Variants in BMP5 observed in about 807,000 individuals in gnomAD.
The protein encoded by BMP5 is bone morphogenetic protein 5.
Under a neutral mutation model 46.6 loss-of-function variants are expected in BMP5, and 23 were observed. The observed-to-expected ratio is 0.49, with a 90% CI of 0.35 to 0.70. The LOEUF is 0.70. Among genes scored for constraint, BMP5 ranks in the 30% least tolerant of loss-of-function variants. The probability of loss-of-function intolerance (pLI) is 0.00; values close to 1 mark genes in which losing one functional copy is unlikely to be tolerated. For synonymous variants in BMP5, 204 were observed against 191.9 expected (o/e 1.06, Z -0.52); for missense variants, 545 against 565.6 (o/e 0.96, Z 0.37).
rs376923719 is a variant in BMP5 at position 55,755,552 on chromosome 6, C to T, written c.1346G>A (p.Arg449His). ...ILKKYRNMVVRSCGCH is the reference protein window; with the variant it reads ...ILKKYRNMVVHSCGCH ...TTAATATTAGTGGCAGCCACATGAG[C>T]GTACTACCATATTTCTATATTTTTT... The change falls in exon 7 of 7, where the codon CGC becomes CAC. Residue 449 changes from arginine (R) to histidine (H), a missense_variant. Arg to His is a conservative substitution (Grantham distance 29). Coordinates refer to ENST00000370830, the MANE Select transcript of BMP5 (RefSeq NM_021073.4). 120 of 1,610,134 alleles carry T rather than the reference C, an allele frequency of 7.5e-5. No homozygotes were observed. Among genetic ancestry groups the T allele is most frequent in the Middle Eastern group, 5.0e-4 (3 of 6,044 alleles).
chr6:55,774,653 GGC>G (rs1775127886), intron 3 of BMP5, among the ~76,000 whole-genome samples: 1 of 151,924 alleles, frequency 6.6e-6, no homozygotes, highest in African/African-American at 2.4e-5. Flanking sequence ...CCGAATACTT[GGC>G]AGGGTGTTTC....
At chr6:55,848,198 A>G (rs1291117459) in intron 1 of BMP5, among the ~76,000 whole-genome samples, 1 of 151,924 alleles carries the variant, frequency 6.6e-6, no homozygotes. Flanking sequence ...GTTTCCTGGA[A>G]GACCACCCTA....
chr6:55,774,835 G>A (rs191590596), intron 3 of BMP5, among the ~76,000 whole-genome samples: 16 of 151,918 alleles, frequency 1.1e-4, no homozygotes, highest in Admixed American at 3.3e-4. Context: ...GCTTTAAGCC[G>A]CAGTTATTAA....
intron 2 of BMP5, among the ~76,000 whole-genome samples, chr6:55,805,197 G>T (rs774119220): frequency 6.6e-6 from 1 of 152,040 alleles, no homozygotes; most frequent in Admixed American, 6.6e-5. Context: ...TTGGTATCAG[G>T]TGCCAATAAG....
At chr6:55,866,987 T>C (rs942755382) in intron 1 of BMP5, among the ~76,000 whole-genome samples, 5 of 152,174 alleles carry the variant, frequency 3.3e-5, no homozygotes, top group Admixed American at 3.3e-4. Context: ...TCTAGAACAC[T>C]TGCTGACTAA....
chr6:55,812,187 A>G (rs901275445), intron 2 of BMP5, among the ~76,000 whole-genome samples: 1 of 152,252 alleles, frequency 6.6e-6, no homozygotes, highest in Non-Finnish European at 1.5e-5. Flanking sequence ...AAGATTAAAT[A>G]AGTGAAATGA....
rs753483847 is a variant in BMP5, at chr6:55,874,658, G to T, written c.208C>A (p.Pro70Thr). 6.2e-7 allele frequency: 1 copy of T among 1,613,454 alleles called. No homozygotes were observed. Among genetic ancestry groups the T allele is most frequent in the Non-Finnish European group, 8.5e-7 (1 of 1,179,724 alleles). ...GLPHRPRPFS[P>T]GKQASSAPLF... ...GGTGCAGAGGACGCTTGTTTTCCAG[G>T]TGAAAATGGTCTGGGTCTGTGAGGC... The change falls in exon 1 of 7, where the codon CCT (proline) becomes ACT (threonine). Residue 70 changes from proline (P) to threonine (T), a missense_variant. Physicochemically the swap from Pro to Thr is conservative, Grantham distance 38. Coordinates refer to ENST00000370830, the MANE Select transcript of BMP5 (RefSeq NM_021073.4).
Position 55,795,618 on chromosome 6 carries a change from T to C in BMP5, c.684-1191A>G, listed in dbSNP as rs993817839. Among the ~76,000 whole-genome samples, 93 of 152,230 alleles carry C rather than the reference T, an allele frequency of 6.1e-4. 1 individual carries two copies. Among genetic ancestry groups the C allele is most frequent in the Middle Eastern group, 3.4e-3 (1 of 290 alleles). On this transcript the variant is annotated intron_variant, in intron 2 of 6. Coordinates refer to ENST00000370830, the MANE Select transcript of BMP5 (RefSeq NM_021073.4). ...TACTCAAATTTAAAAGTGAACCATTTTAACAAAAACAAAGTTAAAAAATGT... is the reference window on the plus strand; with the variant it reads ...TACTCAAATTTAAAAGTGAACCATTCTAACAAAAACAAAGTTAAAAAATGT...
chr6:55,789,180 G>A (rs9396157), intron 3 of BMP5, among the ~76,000 whole-genome samples: 2 of 151,722 alleles, frequency 1.3e-5, no homozygotes, highest in East Asian at 3.9e-4. Flanking sequence ...AGAAACATAC[G>A]GATTGAATTT....
intron 3 of BMP5, among the ~76,000 whole-genome samples, chr6:55,793,314 A>C (rs1278476555): frequency 2.6e-5 from 4 of 152,104 alleles, no homozygotes; most frequent in Non-Finnish European, 5.9e-5. Context: ...CGTGTTTCAG[A>C]TTATAGCTCA....
chr6:55,830,917 A>C (rs1776648738), intron 1 of BMP5, among the ~76,000 whole-genome samples: 1 of 152,114 alleles, frequency 6.6e-6, no homozygotes, highest in Admixed American at 6.6e-5. Flanking sequence ...GTTTCTCTTC[A>C]CATTCTGTGC....
chr6:55,842,990 T>C (rs186587431), intron 1 of BMP5, among the ~76,000 whole-genome samples: 164 of 152,258 alleles, frequency 1.1e-3, no homozygotes, highest in Middle Eastern at 3.4e-3. Context: ...ATCTGATTGC[T>C]TGTTTACACC....
intron 1 of BMP5, among the ~76,000 whole-genome samples, chr6:55,845,062 C>T (rs1018012868): frequency 6.6e-6 from 1 of 151,924 alleles, no homozygotes; most frequent in East Asian, 1.9e-4. Context: ...AAATGCTGTT[C>T]TTTAAGTTAT....
At chr6:55,829,805 G>A (rs2127541836) in intron 1 of BMP5, among the ~76,000 whole-genome samples, 1 of 151,980 alleles carries the variant, frequency 6.6e-6, no homozygotes, top group South Asian at 2.1e-4. Context: ...CATATGTGAT[G>A]TTTTTGAACA....
intron 1 of BMP5, among the ~76,000 whole-genome samples, chr6:55,823,689 C>G (rs1187828965): frequency 6.6e-6 from 1 of 151,804 alleles, no homozygotes; most frequent in Non-Finnish European, 1.5e-5. Flanking sequence ...GGAAAGTTGA[C>G]CTTGTTTCAG....
At chr6:55,827,358 GT>G (rs534946954) in intron 1 of BMP5, among the ~76,000 whole-genome samples, 2 of 151,490 alleles carry the variant, frequency 1.3e-5, no homozygotes, top group African/African-American at 2.4e-5. Flanking sequence ...TGTCATTGTG[GT>G]TTTTTTAAAA....
In BMP5 at chr6:55,853,210, A is replaced by G. The variant is rs149289113; in HGVS notation, c.490+21166T>C. On this transcript the variant is annotated intron_variant, in intron 1 of 6. Transcript: ENST00000370830. ...AATAAAATAAAATAAAATAAAATAA[A>G]ATAAAATAAGATAAAATACAATAAA... Among the ~76,000 whole-genome samples the G allele has an allele frequency of 2.0e-3, 190 of 96,474 alleles. 1 individual carries two copies. In the East Asian group the frequency reaches 0.021, roughly 10 times the overall value. 63.3% of individuals were successfully genotyped at this position (96,474 alleles called of 152,430 possible). A position where few individuals can be genotyped will look rare whatever the true frequency, so the allele number is the denominator to read the frequency against.
chr6:55,770,342 C>T (rs1775020119), intron 4 of BMP5, among the ~76,000 whole-genome samples: 1 of 151,838 alleles, frequency 6.6e-6, no homozygotes, highest in Non-Finnish European at 1.5e-5. Context: ...AGCTTCTTTC[C>T]TTAAACGTCA....
intron 1 of BMP5, among the ~76,000 whole-genome samples, chr6:55,853,906 C>A (rs1021623279): frequency 1.3e-5 from 2 of 152,164 alleles, no homozygotes; most frequent in East Asian, 3.8e-4. Flanking sequence ...CTTAGAGACA[C>A]AAATACTACC....
Sources: allele counts gnomAD v4.1 joint callset (sites outside exome capture counted in the v4.1 genomes callset), GRCh38; gene constraint gnomAD v4.1.1; transcripts MANE v1.5; gene names NCBI Gene and HGNC (gene_info 2026-07-23, HGNC 2026-07-21).